Variants in ITGA8 observed in about 807,000 individuals in gnomAD.
ITGA8 encodes integrin subunit alpha 8, also known as integrin alpha-8.
In ITGA8, 91 loss-of-function variants were observed where a neutral mutation model predicts 142.3. The observed-to-expected ratio is 0.64, with a 90% CI of 0.54 to 0.76. ITGA8 has a LOEUF of 0.76. Ranked by LOEUF, ITGA8 falls within the 30% of genes least tolerant of loss-of-function variation. The probability of loss-of-function intolerance (pLI) is 0.00; values close to 1 mark genes in which losing one functional copy is unlikely to be tolerated. For missense variants in ITGA8, 1,406 were observed against 1,327.7 expected (o/e 1.06, Z -0.92); for synonymous variants, 505 against 485.2 (o/e 1.04, Z -0.54).
chr10:15,604,457 GC>G, intron 19 of ITGA8, 102 bp from the exon 20 acceptor site: 1 of 896,278 alleles, frequency 1.1e-6, no homozygotes, highest in Non-Finnish European at 1.6e-6. Context: ...AATGGCAAGT[GC>G]AAAAAAAGAA....
At chr10:15,592,919 T>C (rs1832950582) in intron 21 of ITGA8, among the ~76,000 whole-genome samples, 1 of 152,200 alleles carries the variant, frequency 6.6e-6, no homozygotes, top group Admixed American at 6.5e-5. Context: ...ACTATGATGC[T>C]TCTGTTTGAT....
At chr10:15,586,049 ATTTTTTTTTTT>A (rs59435924) in intron 23 of ITGA8, among the ~76,000 whole-genome samples, 4 of 76,816 alleles carry the variant, frequency 5.2e-5, no homozygotes, top group South Asian at 9.3e-4. Flanking sequence ...GAATAAAGTG[ATTTTTTTTTTT>A]TTTTTTTTTT....
chr10:15,586,590 A>C lies in ITGA8; in HGVS notation c.2366T>G (p.Ile789Arg). The change falls in exon 23 of 30, where the codon ATA (isoleucine) becomes AGA (arginine). Residue 789 changes from isoleucine to arginine, a missense_variant. Coordinates refer to ENST00000378076, the MANE Select transcript of ITGA8 (RefSeq NM_003638.3). ...TGCATTGCTTACTACTTACCCTCTT[A>C]TTTCCACCTGCGCTACAGCAGTGAT... ...INITAVAQVE[I>R]RGVSHPPQIV... The C allele has an allele frequency of 6.2e-7, 1 of 1,605,954 alleles. No individual in the cohort carries two copies. Among genetic ancestry groups the C allele is most frequent in the South Asian group, 1.1e-5 (1 of 90,820 alleles).
At position 15,674,053 on chromosome 10, in the gene ITGA8, C is replaced by T. The variant is rs189268662; in HGVS notation, c.677-1304G>A. 2.1e-3 allele frequency among the ~76,000 whole-genome samples: 316 copies of T among 152,294 alleles called. 1 individual carries two copies. The highest frequency in any genetic ancestry group is 7.3e-3 in the African/African-American group (303 of 41,570). On this transcript the variant is annotated intron_variant, in intron 6 of 29. Coordinates refer to ENST00000378076, the MANE Select transcript of ITGA8 (RefSeq NM_003638.3). Reference sequence around the variant, plus strand: ...AAAGCCAAATTAGTCTTTGGGAATTCACACAAAATTCCCACAGTCTTTCTG... The same window carrying T: ...AAAGCCAAATTAGTCTTTGGGAATTTACACAAAATTCCCACAGTCTTTCTG...
rs187837118 is a variant in ITGA8 at position 15,541,465 on chromosome 10, T to C, written c.2880+6990A>G. Among the ~76,000 whole-genome samples, 46 of 152,340 alleles carry C rather than the reference T, an allele frequency of 3.0e-4. No individual in the cohort carries two copies. In the East Asian group the frequency reaches 5.4e-3, roughly 18 times the overall value. On this transcript the variant is annotated intron_variant, in intron 27 of 29. Transcript: ENST00000378076. ...AAGGTATCACAAGTTTTTACATTTC[T>C]AGAATATCTGCTGCTTCCTGAGCTA... is the stretch of plus-strand genomic sequence containing the variant.
chr10:15,577,170 T>C (rs868322426), intron 23 of ITGA8, among the ~76,000 whole-genome samples: 2 of 152,160 alleles, frequency 1.3e-5, no homozygotes, highest in African/African-American at 4.8e-5. Context: ...TTTATTTGCA[T>C]AGAGAACAAA....
intron 13 of ITGA8, among the ~76,000 whole-genome samples, chr10:15,633,485 G>A (rs964923886): frequency 1.6e-4 from 25 of 152,136 alleles, no homozygotes; most frequent in African/African-American, 5.3e-4. Context: ...AGGCTGGAGC[G>A]CAGCAGCACA....
intron 8 of ITGA8, among the ~76,000 whole-genome samples, chr10:15,664,016 G>A (rs968928567): frequency 1.2e-4 from 18 of 152,144 alleles, no homozygotes; most frequent in Non-Finnish European, 2.4e-4. Context: ...CTAATTCAGT[G>A]GTTCTTGTAA....
intron 8 of ITGA8, among the ~76,000 whole-genome samples, chr10:15,666,855 C>T (rs944883321): frequency 1.1e-4 from 16 of 152,098 alleles, no homozygotes; most frequent in Non-Finnish European, 4.4e-5. Flanking sequence ...GCCTTGCATC[C>T]GAGGGATGAA....
intron 3 of ITGA8, among the ~76,000 whole-genome samples, chr10:15,686,416 C>T (rs2131706350): frequency 6.6e-6 from 1 of 152,322 alleles, no homozygotes; most frequent in African/African-American, 2.4e-5. Context: ...ACTTGTGTAG[C>T]TTGATCTTCT....
chr10:15,634,592 G>A (rs1301064578), intron 13 of ITGA8, among the ~76,000 whole-genome samples: 1 of 152,170 alleles, frequency 6.6e-6, no homozygotes, highest in African/African-American at 2.4e-5. Context: ...CTAGCATAGT[G>A]CCAGGCACAT....
chr10:15,689,821 C>T (rs562188533), intron 2 of ITGA8, among the ~76,000 whole-genome samples: 3 of 152,330 alleles, frequency 2.0e-5, no homozygotes, highest in Admixed American at 1.3e-4. Context: ...GGCCCTTCAT[C>T]TGCCCATCCC....
chr10:15,605,822 T>C (rs1339359323), intron 18 of ITGA8, 31 bp from the exon 19 acceptor site: 1 of 1,589,270 alleles, frequency 6.3e-7, no homozygotes, highest in Non-Finnish European at 8.6e-7. Flanking sequence ...TCAGGAACAA[T>C]CTAGGAAAAT....
chr10:15,680,035 A>T (rs1028782460), intron 4 of ITGA8, among the ~76,000 whole-genome samples: 1 of 152,206 alleles, frequency 6.6e-6, no homozygotes, highest in Admixed American at 6.5e-5. Context: ...ATAAGAGAAC[A>T]GGAAAGGAAA....
intron 2 of ITGA8, among the ~76,000 whole-genome samples, chr10:15,700,161 A>G (rs932107343): frequency 2.6e-5 from 4 of 152,220 alleles, no homozygotes. Context: ...ATACAGTGGC[A>G]GAGATACTTT....
intron 27 of ITGA8, among the ~76,000 whole-genome samples, chr10:15,535,967 C>T (rs1052694273): frequency 7.2e-5 from 11 of 151,902 alleles, no homozygotes; most frequent in Admixed American, 7.2e-4. Context: ...AATAACTCCG[C>T]GCTGCCTTAA....
chr10:15,667,369 C>G (rs1042877105), intron 8 of ITGA8, among the ~76,000 whole-genome samples: 2 of 151,954 alleles, frequency 1.3e-5, no homozygotes, highest in Non-Finnish European at 2.9e-5. Flanking sequence ...GTGATATCCC[C>G]TTTATCATTT....
chr10:15,539,506 G>C (rs556378482), intron 27 of ITGA8, among the ~76,000 whole-genome samples: 1 of 151,990 alleles, frequency 6.6e-6, no homozygotes, highest in South Asian at 2.1e-4. Flanking sequence ...CCAATACTGC[G>C]GGTCATTATT....
intron 24 of ITGA8, 41 bp downstream of exon 24, chr10:15,575,448 G>A (rs1834268493): frequency 1.5e-6 from 2 of 1,336,656 alleles, no homozygotes; most frequent in Non-Finnish European, 2.2e-6. Context: ...CAGAGCTTAA[G>A]AATAAACCCC....
Sources: gnomAD v4.1 joint callset for allele counts (sites outside exome capture counted in the v4.1 genomes callset) on GRCh38, gnomAD v4.1.1 for gene constraint, MANE v1.5 for transcripts, NCBI Gene and HGNC (gene_info 2026-07-23, HGNC 2026-07-21) for gene names.